The following TMEM117 variants were observed in gnomAD, a reference collection of about 807,000 sequenced individuals.
The protein encoded by TMEM117 is transmembrane protein 117.
TMEM117 carries 27 observed loss-of-function variants against 52.4 expected under a neutral mutation model. That is an observed-to-expected ratio of 0.51 (90% CI 0.38 to 0.71). The LOEUF is 0.71. Among genes scored for constraint, TMEM117 ranks in the 30% least tolerant of loss-of-function variants. TMEM117 has a pLI of 0.00. For synonymous variants in TMEM117, 215 were observed against 206.3 expected (o/e 1.04, Z -0.36); for missense variants, 556 against 630.5 (o/e 0.88, Z 1.26).
At chr12:44,219,386 T>G (rs1311685057) in intron 5 of TMEM117, among the ~76,000 whole-genome samples, 1 of 152,196 alleles carries the variant, frequency 6.6e-6, no homozygotes. Context: ...ATAACAACTC[T>G]TTTAAGTCAG....
At chr12:43,967,443 G>C (rs887510616) in intron 3 of TMEM117, among the ~76,000 whole-genome samples, 1 of 152,106 alleles carries the variant, frequency 6.6e-6, no homozygotes, top group Non-Finnish European at 1.5e-5. Flanking sequence ...TCTGAGGTTA[G>C]GGTGGCTTCT....
chr12:43,857,353 T>G (rs780107996), intron 2 of TMEM117, among the ~76,000 whole-genome samples: 2 of 150,878 alleles, frequency 1.3e-5, no homozygotes, highest in African/African-American at 2.4e-5. Flanking sequence ...AATGAGTCAT[T>G]CAGGGACCAA....
chr12:43,983,491 T>C lies in TMEM117; in HGVS notation c.410+39149T>C, dbSNP rs532311068. 6.8e-5 allele frequency among the ~76,000 whole-genome samples: 10 copies of C among 148,044 alleles called. No individual in the cohort carries two copies. The East Asian group carries it at 1.8e-3, about 27-fold the overall frequency. On this transcript the variant is annotated intron_variant, in intron 3 of 7. Transcript: ENST00000266534. The stretch of plus-strand genomic sequence containing the variant: ...AATTTATAGGTTGGTGCAAAAGTAA[T>C]TGTGGTTTTTGCCATTACTTCCAGT...
In TMEM117 at chr12:44,009,689, C is replaced by T. The variant is rs1003766543; in HGVS notation, c.410+65347C>T. On this transcript the variant is annotated intron_variant, in intron 3 of 7. Coordinates refer to ENST00000266534, the MANE Select transcript of TMEM117 (RefSeq NM_032256.3). ...CTTGAAGTCTGGGGTCACTGCTGTT[C>T]CTCCCAGGAGCACTGCCTTCTCTCC... The T allele has an allele frequency of 3.3e-5, 8 of 243,524 alleles. No individual in the cohort carries two copies. In the South Asian group the frequency reaches 6.0e-4, roughly 18 times the overall value. 15.1% of individuals were successfully genotyped at this position (243,524 alleles called of 1,614,324 possible). A position where few individuals can be genotyped will look rare whatever the true frequency, so the allele number is the denominator to read the frequency against.
At chr12:44,263,990 A>G (rs1204363095) in intron 5 of TMEM117, 1 of 152,234 alleles carries the variant, frequency 6.6e-6, no homozygotes, top group Non-Finnish European at 1.5e-5. Context: ...GTTCTACTCA[A>G]TTAGAATCCC....
chr12:43,796,966 G>T, the TMEM117 span: 3 of 1,606,860 alleles, frequency 1.9e-6, no homozygotes, highest in East Asian at 6.7e-5. Context: ...TTTTAAAATA[G>T]GTGGGCTACC....
chr12:44,124,975 G>A (rs1395535307), intron 3 of TMEM117, among the ~76,000 whole-genome samples: 3 of 152,166 alleles, frequency 2.0e-5, no homozygotes, highest in Non-Finnish European at 4.4e-5. Context: ...AACAGTTTTA[G>A]TAGGAATGGT....
chr12:44,125,270 A>T (rs541211738), intron 3 of TMEM117, among the ~76,000 whole-genome samples: 1 of 152,062 alleles, frequency 6.6e-6, no homozygotes, highest in Non-Finnish European at 1.5e-5. Flanking sequence ...AAGCCCGGCT[A>T]ATTCTTTTTT....
intron 5 of TMEM117, among the ~76,000 whole-genome samples, chr12:44,246,634 A>G (rs1006441202): frequency 8.5e-5 from 13 of 152,184 alleles, no homozygotes; most frequent in African/African-American, 2.7e-4. Flanking sequence ...ATATATACAC[A>G]AACTCAATTA....
chr12:43,908,141 G>A (rs9669060), intron 2 of TMEM117, among the ~76,000 whole-genome samples: 16,062 of 45,788 alleles, frequency 0.35, 6,118 homozygotes, highest in East Asian at 0.68. Context: ...GACTAACAGC[G>A]GATCTCTCGG....
At chr12:43,906,801 G>A (rs1343638035) in intron 2 of TMEM117, among the ~76,000 whole-genome samples, 4 of 152,314 alleles carry the variant, frequency 2.6e-5, no homozygotes, top group South Asian at 2.1e-4. Flanking sequence ...CTTAAAAAAC[G>A]GCGCACCAGG....
intron 6 of TMEM117, among the ~76,000 whole-genome samples, chr12:44,312,232 T>C (rs1189439030): frequency 1.3e-5 from 2 of 151,882 alleles, no homozygotes; most frequent in African/African-American, 4.8e-5. Flanking sequence ...ACCCAATAAG[T>C]AGATTTTCAG....
chr12:44,265,742 T>C (rs376023724), intron 5 of TMEM117, among the ~76,000 whole-genome samples: 1 of 152,180 alleles, frequency 6.6e-6, no homozygotes, highest in South Asian at 2.1e-4. Context: ...CTACCTATTA[T>C]GCAGTTGCTT....
intron 3 of TMEM117, among the ~76,000 whole-genome samples, chr12:44,038,057 T>C (rs2137887858): frequency 6.6e-6 from 1 of 152,276 alleles, no homozygotes; most frequent in South Asian, 2.1e-4. Context: ...AGCCCTTCTT[T>C]ATCTTGCTCA....
At chr12:43,917,230 C>CAAAAA (rs10602069) in intron 2 of TMEM117, among the ~76,000 whole-genome samples, 2 of 102,152 alleles carry the variant, frequency 2.0e-5, no homozygotes, top group African/African-American at 3.1e-5. Context: ...CTCATCTCTA[C>CAAAAA]AAAAAAAAAA....
intron 4 of TMEM117, among the ~76,000 whole-genome samples, chr12:44,195,889 AAAATAAAT>A (rs71091196): frequency 0.018 from 2,504 of 136,568 alleles, 41 homozygotes; most frequent in South Asian, 0.039. Context: ...CCCTGTCTCT[AAAATAAAT>A]AAATAAATAA....
intron 5 of TMEM117, among the ~76,000 whole-genome samples, chr12:44,227,741 A>G (rs1949881567): frequency 6.6e-6 from 1 of 152,072 alleles, no homozygotes; most frequent in African/African-American, 2.4e-5. Context: ...AGGCTCCTCC[A>G]ATAGACTCAG....
At chr12:43,945,857 G>A (rs1048723945) in intron 3 of TMEM117, among the ~76,000 whole-genome samples, 1 of 152,120 alleles carries the variant, frequency 6.6e-6, no homozygotes, top group Non-Finnish European at 1.5e-5. Flanking sequence ...CTGTTTTGAT[G>A]TTACGTATAG....
chr12:44,156,656 G>A (rs1592566015), intron 4 of TMEM117, among the ~76,000 whole-genome samples: 1 of 152,040 alleles, frequency 6.6e-6, no homozygotes, highest in African/African-American at 2.4e-5. Flanking sequence ...CATATTCTAT[G>A]TCAAAATCAG....
Sources: allele counts gnomAD v4.1 joint callset (sites outside exome capture counted in the v4.1 genomes callset), GRCh38; gene constraint gnomAD v4.1.1; transcripts MANE v1.5; gene names NCBI Gene and HGNC (gene_info 2026-07-23, HGNC 2026-07-21).